KCNMA1: variants seen among roughly 807,000 people sequenced by gnomAD.
KCNMA1 encodes potassium calcium-activated channel subfamily M alpha 1, also known as Calcium-activated potassium channel subunit alpha-1.
KCNMA1 carries 29 observed loss-of-function variants against 140.0 expected under a neutral mutation model. That is an observed-to-expected ratio of 0.21 (90% CI 0.15 to 0.28). The LOEUF (loss-of-function observed/expected upper bound fraction) is 0.28. Among genes scored for constraint, KCNMA1 ranks in the 10% least tolerant of loss-of-function variants. The probability of loss-of-function intolerance (pLI) is 1.00; values close to 1 mark genes in which losing one functional copy is unlikely to be tolerated. For missense variants in KCNMA1, 880 were observed against 1,602.2 expected (o/e 0.55, Z 7.70); for synonymous variants, 612 against 611.9 (o/e 1.00, Z 0.00).
intron 1 of KCNMA1, among the ~76,000 whole-genome samples, chr10:77,568,312 G>A (rs918479213): frequency 2.6e-5 from 4 of 152,178 alleles, no homozygotes; most frequent in African/African-American, 7.2e-5. Context: ...TATCCTTGAT[G>A]AACATTGATG....
chr10:77,305,168 G>A (rs2077399298), intron 2 of KCNMA1, among the ~76,000 whole-genome samples: 1 of 152,138 alleles, frequency 6.6e-6, no homozygotes, highest in South Asian at 2.1e-4. Context: ...GACCAGAGAG[G>A]CTAACTAGTA....
chr10:76,948,002 G>GTTTTGT (rs1565117981), intron 22 of KCNMA1, among the ~76,000 whole-genome samples: 4 of 18,990 alleles, frequency 2.1e-4, no homozygotes, highest in African/African-American at 7.7e-4. Context: ...GTTGTTTCTT[G>GTTTTGT]TTTTGTTTTT....
At chr10:77,616,251 T>C (rs2089448131) in intron 1 of KCNMA1, among the ~76,000 whole-genome samples, 1 of 152,200 alleles carries the variant, frequency 6.6e-6, no homozygotes, top group African/African-American at 2.4e-5. Context: ...TCCACAGACG[T>C]GCAATCCAAC....
chr10:77,618,288 G>T (rs779630338), intron 1 of KCNMA1, among the ~76,000 whole-genome samples: 1 of 152,192 alleles, frequency 6.6e-6, no homozygotes, highest in Non-Finnish European at 1.5e-5. Context: ...TCATTGACAT[G>T]TTGACCTCTT....
chr10:77,478,027 C>T lies in KCNMA1; in HGVS notation c.379-74004G>A, dbSNP rs945260328. 5.9e-5 allele frequency among the ~76,000 whole-genome samples: 9 copies of T among 152,312 alleles called. No individual in the cohort carries two copies. The East Asian group carries it at 1.5e-3, about 26-fold the overall frequency. The stretch of plus-strand genomic sequence containing the variant: ...CCTGCAGGTACATGATACCCTCTGC[C>T]GTTAATTCTATGCCATTTTGTTGAA... On this transcript the variant is annotated intron_variant, in intron 1 of 27. Transcript: ENST00000286628.
rs536960064 is a variant in KCNMA1, at chr10:77,493,231, A to T, written c.379-89208T>A. On this transcript the variant is annotated intron_variant, in intron 1 of 27. Coordinates refer to ENST00000286628, the MANE Select transcript of KCNMA1 (RefSeq NM_001161352.2). ...TGGCCCCTCCAAGGGCACCCCGGCT[A>T]ATCAGCCTCTTCTTCTGACTTCTGA... 2.0e-5 allele frequency among the ~76,000 whole-genome samples: 3 copies of T among 152,350 alleles called. No individual in the cohort carries two copies. In the South Asian group the frequency reaches 6.2e-4, roughly 32 times the overall value.
At chr10:77,143,832 T>C (rs549342101) in intron 5 of KCNMA1, among the ~76,000 whole-genome samples, 14 of 152,284 alleles carry the variant, frequency 9.2e-5, no homozygotes, top group African/African-American at 3.4e-4. Context: ...TACATTTATA[T>C]GACAAAGAAC....
intron 1 of KCNMA1, among the ~76,000 whole-genome samples, chr10:77,407,326 T>C: frequency 6.6e-6 from 1 of 152,074 alleles, no homozygotes; most frequent in East Asian, 1.9e-4. Flanking sequence ...AAGCACCTCT[T>C]ATGGGGAGCA....
intron 1 of KCNMA1, among the ~76,000 whole-genome samples, chr10:77,557,560 T>A (rs938613467): frequency 5.9e-5 from 9 of 152,218 alleles, no homozygotes; most frequent in Middle Eastern, 3.4e-3. Flanking sequence ...ATATATATAT[T>A]TTTTTAAAAA....
chr10:77,425,541 A>G (rs975225595), intron 1 of KCNMA1, among the ~76,000 whole-genome samples: 13 of 151,946 alleles, frequency 8.6e-5, no homozygotes, highest in African/African-American at 3.1e-4. Context: ...GTCCTCATTT[A>G]TTGCCATCAG....
At chr10:77,118,420 T>C (rs2097529426) in intron 6 of KCNMA1, among the ~76,000 whole-genome samples, 2 of 152,210 alleles carry the variant, frequency 1.3e-5, no homozygotes, top group Admixed American at 6.5e-5. Context: ...CTTCTAGATT[T>C]CTTACAATTA....
chr10:76,913,701 A>G (rs1352925038), intron 24 of KCNMA1: 3 of 210,830 alleles, frequency 1.4e-5, no homozygotes, highest in Non-Finnish European at 1.9e-5. Flanking sequence ...AACTGACAGT[A>G]TGTTGGAAGA....
Position 77,029,244 on chromosome 10 carries a change from TATTG to T in KCNMA1, c.1860-1357_1860-1354del, listed in dbSNP as rs1404502328. On this transcript the variant is annotated intron_variant, in intron 15 of 27. Transcript: ENST00000286628. ...AGCATTACCATTTTGAATAATAGAATATTGATTAACTGATAGACTGAACAATGAG... is the reference window on the plus strand; with the variant it reads ...AGCATTACCATTTTGAATAATAGAATATTAACTGATAGACTGAACAATGAG... Among the ~76,000 whole-genome samples the T allele has an allele frequency of 2.7e-4, 41 of 152,352 alleles. No homozygotes were observed. The East Asian group carries it at 7.9e-3, about 29-fold the overall frequency.
intron 1 of KCNMA1, among the ~76,000 whole-genome samples, chr10:77,511,972 A>C (rs1287193944): frequency 1.3e-5 from 2 of 152,218 alleles, no homozygotes; most frequent in Non-Finnish European, 2.9e-5. Flanking sequence ...GATAATGCCA[A>C]GGCAGCAGGG....
At position 77,637,246 on chromosome 10, in the gene KCNMA1, C is replaced by A. The variant is rs1182716398; in HGVS notation, c.378+19G>T. ...CGGTGGGGCTGGCGCAGAGGGCGGG[C>A]GCCCGGGGCGCGCGTTACCTTCGTC... On this transcript the variant is annotated intron_variant, in intron 1 of 27. Coordinates refer to ENST00000286628, the MANE Select transcript of KCNMA1 (RefSeq NM_001161352.2). 3.8e-6 allele frequency: 6 copies of A among 1,578,408 alleles called. No individual in the cohort carries two copies. The highest frequency in any genetic ancestry group is 2.6e-6 in the Non-Finnish European group (3 of 1,160,336).
At chr10:76,922,053 G>A (rs1045249126) in intron 23 of KCNMA1, among the ~76,000 whole-genome samples, 21 of 152,158 alleles carry the variant, frequency 1.4e-4, no homozygotes, top group Non-Finnish European at 2.6e-4. Flanking sequence ...GGAGGGAAGC[G>A]GGGAAATGCC....
intron 2 of KCNMA1, among the ~76,000 whole-genome samples, chr10:77,353,592 T>C (rs1194992470): frequency 1.3e-5 from 2 of 151,942 alleles, no homozygotes; most frequent in South Asian, 2.1e-4. Flanking sequence ...TATGAAGGTA[T>C]ATATAATATA....
chr10:77,441,776 G>A (rs2097405301), intron 1 of KCNMA1, among the ~76,000 whole-genome samples: 1 of 152,126 alleles, frequency 6.6e-6, no homozygotes, highest in African/African-American at 2.4e-5. Flanking sequence ...ATCCTGGAAG[G>A]GCTGATCCGC....
At chr10:77,088,378 A>T (rs984346191) in intron 10 of KCNMA1, among the ~76,000 whole-genome samples, 6 of 152,194 alleles carry the variant, frequency 3.9e-5, no homozygotes, top group African/African-American at 1.4e-4. Flanking sequence ...ACATTGATGG[A>T]TGTTAGGGAT....
Sources: gnomAD v4.1 joint callset for allele counts (sites outside exome capture counted in the v4.1 genomes callset) on GRCh38, gnomAD v4.1.1 for gene constraint, MANE v1.5 for transcripts, NCBI Gene and HGNC (gene_info 2026-07-23, HGNC 2026-07-21) for gene names.